The following PVR variants were observed in gnomAD, a reference collection of about 807,000 sequenced individuals.
The protein encoded by PVR is poliovirus receptor.
Under a neutral mutation model 43.3 loss-of-function variants are expected in PVR, and 39 were observed. The ratio of observed to expected loss-of-function variants is 0.90; its 90% CI spans 0.70 to 1.18. The LOEUF (loss-of-function observed/expected upper bound fraction) is 1.18, where lower values mean the gene tolerates loss of function less well. Among genes scored for constraint, PVR ranks in the 50% most tolerant of loss-of-function variants. The pLI, the probability that PVR is intolerant of heterozygous loss-of-function variation, is 0.00. For missense variants in PVR, 480 were observed against 549.7 expected, an observed-to-expected ratio of 0.87 and a Z score of 1.27; for synonymous variants, 224 against 233.2, an observed-to-expected ratio of 0.96 and a Z score of 0.36.
Position 44,656,577 on chromosome 19 carries a change from A to G in PVR, c.843-1185A>G, listed in dbSNP as rs116027283. ...ATAAAACAGACCAAATTTCCTCCCC[A>G]TATAGAGCTTCCATTCTAGTGGTGA... On this transcript the variant is annotated intron_variant, in intron 4 of 7. Coordinates refer to ENST00000425690, the MANE Select transcript of PVR (RefSeq NM_006505.5). 5.2e-3 allele frequency among the ~76,000 whole-genome samples: 786 copies of G among 152,308 alleles called. 4 individuals are homozygous for G. The highest frequency in any genetic ancestry group is 0.018 in the African/African-American group (747 of 41,562).
intron 5 of PVR, among the ~76,000 whole-genome samples, 157 bp from the exon 6 acceptor site, chr19:44,658,585 A>C (rs758261070): frequency 1.3e-5 from 2 of 152,224 alleles, no homozygotes; most frequent in Non-Finnish European, 2.9e-5. Flanking sequence ...TCAAAGTCCC[A>C]TTCTGGGCAC....
intron 5 of PVR, among the ~76,000 whole-genome samples, chr19:44,658,197 A>G (rs1973504364): frequency 6.6e-6 from 1 of 152,184 alleles, no homozygotes; most frequent in Admixed American, 6.6e-5. Flanking sequence ...ATCAATTGCA[A>G]TTGACAGAAA....
intron 3 of PVR, among the ~76,000 whole-genome samples, chr19:44,650,694 C>T (rs976632218): frequency 1.3e-5 from 2 of 151,474 alleles, no homozygotes; most frequent in East Asian, 3.9e-4. Context: ...TCCCAAATAG[C>T]TGGGATTAAA....
chr19:44,644,206 C>T, intron 1 of PVR, 31 bp downstream of exon 1: 1 of 1,451,166 alleles, frequency 6.9e-7, no homozygotes. Context: ...CCGGTGGCCC[C>T]TGTCTGGCTC....
At position 44,665,145 on chromosome 19, in the gene PVR, CAG is replaced by C. The variant is rs1459441927; in HGVS notation, c.*3338_*3339del. ...TTAAGAAAACCGCAACTATCCTTAT[CAG>C]AGACTTGGCGGGGGGCAGGGTATGA... is the stretch of plus-strand genomic sequence containing the variant. On this transcript the variant is annotated 3_prime_UTR_variant, in exon 8 of 8. Coordinates refer to ENST00000425690, the MANE Select transcript of PVR (RefSeq NM_006505.5). 6.6e-6 allele frequency: 1 copy of C among 151,052 alleles called. No individual in the cohort carries two copies. Among genetic ancestry groups the C allele is most frequent in the Non-Finnish European group, 1.5e-5 (1 of 67,452 alleles). 9.4% of individuals were successfully genotyped at this position (151,052 alleles called of 1,614,324 possible). A position where few individuals can be genotyped will look rare whatever the true frequency, so the allele number is the denominator to read the frequency against.
In PVR at chr19:44,665,152, T is replaced by G. The variant is rs1973680146; in HGVS notation, c.*3341T>G. On this transcript the variant is annotated 3_prime_UTR_variant, in exon 8 of 8. Coordinates refer to ENST00000425690, the MANE Select transcript of PVR (RefSeq NM_006505.5). ...AACCGCAACTATCCTTATCAGAGAC[T>G]TGGCGGGGGGCAGGGTATGATGGAG... 6.6e-6 allele frequency: 1 copy of G among 150,546 alleles called. No individual in the cohort carries two copies. The highest frequency in any genetic ancestry group is 2.4e-5 in the African/African-American group (1 of 41,288). The allele number at this position is 150,546 out of a possible 1,614,324, so 9.3% of individuals were successfully genotyped here. A position where few individuals can be genotyped will look rare whatever the true frequency, so the allele number is the denominator to read the frequency against.
intron 1 of PVR, among the ~76,000 whole-genome samples, chr19:44,645,445 A>ATATATATAGT: frequency 1.0e-5 from 1 of 97,882 alleles, no homozygotes; most frequent in Middle Eastern, 5.7e-3. Flanking sequence ...ATATATATAT[A>ATATATATAGT]GTGCGTGTGT....
At chr19:44,644,724 T>TC (rs1973029495) in intron 1 of PVR, among the ~76,000 whole-genome samples, 1 of 148,940 alleles carries the variant, frequency 6.7e-6, no homozygotes, top group East Asian at 2.0e-4. Context: ...TCATTCTTTT[T>TC]TTTTTTTTTT....
rs576675554 is a variant in PVR at position 44,660,243 on chromosome 19, A to G, written c.1151-1049A>G. On this transcript the variant is annotated intron_variant, in intron 6 of 7. Coordinates refer to ENST00000425690, the MANE Select transcript of PVR (RefSeq NM_006505.5). Reference sequence around the variant, plus strand: ...GAGGAAGTGTTTGCTGAGTGATTCAATGTGTCAGCTCCAGAGCCAGACTGC... The same window carrying G: ...GAGGAAGTGTTTGCTGAGTGATTCAGTGTGTCAGCTCCAGAGCCAGACTGC... Among the ~76,000 whole-genome samples the G allele has an allele frequency of 5.3e-5, 8 of 152,286 alleles. No homozygotes were observed. The South Asian group carries it at 6.2e-4, about 12-fold the overall frequency.
Position 44,658,393 on chromosome 19 carries a change from C to T in PVR, c.992-349C>T, listed in dbSNP as rs1470806072. Among the ~76,000 whole-genome samples, 7 of 152,280 alleles carry T rather than the reference C, an allele frequency of 4.6e-5. No individual in the cohort carries two copies. In the East Asian group the frequency reaches 5.8e-4, roughly 13 times the overall value. The stretch of plus-strand genomic sequence containing the variant: ...GCAGGCTCTGAAGCAAGATGGCCCT[C>T]GGCAGGGACAGGCTCACATTCTACC... On this transcript the variant is annotated intron_variant, in intron 5 of 7. Transcript: ENST00000425690.
Position 44,662,063 on chromosome 19 carries a change from A to T in PVR, c.*252A>T. 1.9e-6 allele frequency: 1 copy of T among 520,192 alleles called. No homozygotes were observed. Among genetic ancestry groups the T allele is most frequent in the African/African-American group, 1.9e-5 (1 of 52,744 alleles). The allele number at this position is 520,192 out of a possible 1,614,324, so 32.2% of individuals were successfully genotyped here. A position where few individuals can be genotyped will look rare whatever the true frequency, so the allele number is the denominator to read the frequency against. ...AGTTACAGTTTATTACAGTAAAAGG[A>T]CAGAGATTAAGATCAGCAAAGGGAG... On this transcript the variant is annotated 3_prime_UTR_variant, in exon 8 of 8. Transcript: ENST00000425690.
At chr19:44,652,634 G>A (rs1973314559) in intron 3 of PVR, among the ~76,000 whole-genome samples, 1 of 151,802 alleles carries the variant, frequency 6.6e-6, no homozygotes, top group Non-Finnish European at 1.5e-5. Flanking sequence ...CACCCACCTT[G>A]GCCTCCCAAA....
At chr19:44,657,991 C>G in intron 5 of PVR, 81 bp downstream of exon 5, 1 of 1,444,172 alleles carries the variant, frequency 6.9e-7, no homozygotes, top group South Asian at 1.2e-5. Context: ...CTCTCTGGCT[C>G]CCATCCTTCT....
chr19:44,659,914 T>C (rs1411207811), intron 6 of PVR, among the ~76,000 whole-genome samples: 2 of 152,196 alleles, frequency 1.3e-5, no homozygotes, highest in Non-Finnish European at 2.9e-5. Flanking sequence ...GACATGGTTG[T>C]TGGGGAGAAG....
intron 3 of PVR, 177 bp from the exon 4 acceptor site, chr19:44,653,723 A>T (rs1188684179): frequency 1.1e-5 from 6 of 569,184 alleles, no homozygotes; most frequent in African/African-American, 1.8e-5. Context: ...CTGACCAAGG[A>T]CTCCTAGGCT....
At chr19:44,647,687 C>T (rs1040147499) in intron 2 of PVR, 117 bp downstream of exon 2, 19 of 741,068 alleles carry the variant, frequency 2.6e-5, no homozygotes, top group Non-Finnish European at 3.8e-5. Flanking sequence ...CACAGCAGAT[C>T]CCCTGGGGAC....
At position 44,658,642 on chromosome 19, in the gene PVR, G is replaced by A. The variant is rs374345508; in HGVS notation, c.992-100G>A. The stretch of plus-strand genomic sequence containing the variant: ...CCTGAATTAAATAGACTGAGGCAGT[G>A]GAGTGGTGGCTCCCTAAGGAAATTC... On this transcript the variant is annotated intron_variant, in intron 5 of 7. Transcript: ENST00000425690. The A allele has an allele frequency of 6.5e-4, 674 of 1,036,000 alleles. 2 individuals are homozygous for A. The African/African-American group carries it at 9.8e-3, about 15-fold the overall frequency. The allele number at this position is 1,036,000 out of a possible 1,614,324, so 64.2% of individuals were successfully genotyped here. A position where few individuals can be genotyped will look rare whatever the true frequency, so the allele number is the denominator to read the frequency against.
rs751818761 is a variant in PVR, at chr19:44,658,900, A to G, written c.1150A>G (p.Ser384Gly). 2 of 1,613,584 alleles carry G rather than the reference A, an allele frequency of 1.2e-6. No homozygotes were observed. Among genetic ancestry groups the G allele is most frequent in the Admixed American group, 3.3e-5 (2 of 59,980 alleles). Reference sequence around the variant, plus strand: ...TTGGCACTGTCATCTGTGTCCCTCGAGTGAGCATCACCAGAGCTGCCGTAA... The same window carrying G: ...TTGGCACTGTCATCTGTGTCCCTCGGGTGAGCATCACCAGAGCTGCCGTAA... ...VLWHCHLCPS[S>G]TEHASASANG... is the part of the protein sequence containing the mutation. Residue 384 changes from serine to glycine, a missense_variant and splice_region_variant, in exon 6 of 8, where the codon AGT becomes GGT. Transcript: ENST00000425690.
intron 3 of PVR, among the ~76,000 whole-genome samples, chr19:44,651,929 G>A (rs1211870075): frequency 6.6e-6 from 1 of 152,202 alleles, no homozygotes; most frequent in Non-Finnish European, 1.5e-5. Flanking sequence ...GCCGAGGCAG[G>A]TGGATCACCT....
Sources: gnomAD v4.1 joint callset for allele counts (sites outside exome capture counted in the v4.1 genomes callset) on GRCh38, gnomAD v4.1.1 for gene constraint, MANE v1.5 for transcripts, NCBI Gene and HGNC (gene_info 2026-07-23, HGNC 2026-07-21) for gene names.